Variants in CCDC178 observed in about 807,000 individuals in gnomAD.
CCDC178 encodes the protein coiled-coil domain-containing protein 178.
Under a neutral mutation model 117.4 loss-of-function variants are expected in CCDC178, and 126 were observed. That is an observed-to-expected ratio of 1.07 (90% confidence interval 0.93 to 1.24). CCDC178 has a LOEUF of 1.24. Ranked by LOEUF, CCDC178 falls within the 50% of genes most tolerant of loss-of-function variation. The pLI is 0.00. For missense variants in CCDC178, 1,030 were observed against 986.9 expected, an observed-to-expected ratio of 1.04 and a Z score of -0.59; for synonymous variants, 283 against 313.4, an observed-to-expected ratio of 0.90 and a Z score of 1.02.
chr18:33,027,343 AT>A (rs1206088060), intron 21 of CCDC178, among the ~76,000 whole-genome samples: 1 of 151,730 alleles, frequency 6.6e-6, no homozygotes, highest in Non-Finnish European at 1.5e-5. Flanking sequence ...GCTAAATAAA[AT>A]CATTGTGGTA....
intron 11 of CCDC178, among the ~76,000 whole-genome samples, chr18:33,295,199 A>G (rs1306724439): frequency 5.3e-5 from 8 of 152,122 alleles, no homozygotes. Context: ...TTACAAAATC[A>G]ATTTAATGAA....
chr18:33,026,750 C>T (rs944369757), intron 21 of CCDC178, among the ~76,000 whole-genome samples: 9 of 151,548 alleles, frequency 5.9e-5, no homozygotes, highest in African/African-American at 2.2e-4. Flanking sequence ...AAAACAAAAA[C>T]AAAAAATCCC....
intron 14 of CCDC178, among the ~76,000 whole-genome samples, chr18:33,265,887 T>C (rs1314595970): frequency 6.6e-6 from 1 of 152,000 alleles, no homozygotes; most frequent in African/African-American, 2.4e-5. Flanking sequence ...TACTAGATTG[T>C]TGGTGGAGCA....
chr18:33,337,937 G>A (rs974628130), intron 9 of CCDC178, among the ~76,000 whole-genome samples: 1 of 152,128 alleles, frequency 6.6e-6, no homozygotes, highest in Non-Finnish European at 1.5e-5. Flanking sequence ...AAAAGCTTCT[G>A]CTCAGCAAAA....
At chr18:33,268,167 A>C in intron 12 of CCDC178, among the ~76,000 whole-genome samples, 1 of 151,934 alleles carries the variant, frequency 6.6e-6, no homozygotes, top group East Asian at 1.9e-4. Flanking sequence ...CATGGAAAAA[A>C]GGTATCTGAG....
At chr18:33,301,817 G>A (rs530762668) in intron 11 of CCDC178, among the ~76,000 whole-genome samples, 1 of 152,288 alleles carries the variant, frequency 6.6e-6, no homozygotes, top group African/African-American at 2.4e-5. Context: ...TAGGCTCAAA[G>A]TTGGAAGGAG....
At chr18:33,192,932 T>C (rs1348114416) in intron 20 of CCDC178, among the ~76,000 whole-genome samples, 1 of 135,494 alleles carries the variant, frequency 7.4e-6, no homozygotes, top group Non-Finnish European at 1.6e-5. Context: ...GAAGAAAAAA[T>C]TCTCTCTAAG....
chr18:33,303,412 T>C (rs534228244), intron 11 of CCDC178, among the ~76,000 whole-genome samples: 1 of 152,200 alleles, frequency 6.6e-6, no homozygotes, highest in Non-Finnish European at 1.5e-5. Context: ...AATATTATAG[T>C]TGTGTACACA....
At chr18:33,391,399 T>C (rs1298953023) in intron 4 of CCDC178, among the ~76,000 whole-genome samples, 1 of 152,060 alleles carries the variant, frequency 6.6e-6, no homozygotes, top group Non-Finnish European at 1.5e-5. Context: ...ATCTGTGGCA[T>C]ATGAAGTTCA....
intron 20 of CCDC178, among the ~76,000 whole-genome samples, chr18:33,194,403 T>C (rs548280033): frequency 6.6e-6 from 1 of 152,236 alleles, no homozygotes; most frequent in Admixed American, 6.5e-5. Flanking sequence ...ATGTGGTGCC[T>C]GAGCACCAGT....
chr18:33,059,082 T>A (rs2056878727), intron 21 of CCDC178, among the ~76,000 whole-genome samples: 2 of 152,218 alleles, frequency 1.3e-5, no homozygotes, highest in South Asian at 2.1e-4. Flanking sequence ...AAGAATCTTA[T>A]TTGTGGGGGC....
intron 21 of CCDC178, among the ~76,000 whole-genome samples, chr18:32,980,474 A>G (rs1008843163): frequency 6.3e-4 from 95 of 150,250 alleles, no homozygotes; most frequent in African/African-American, 2.1e-3. Flanking sequence ...GGGAGGCTGA[A>G]GCAGGAGAAT....
chr18:33,178,672 A>T (rs72945371), intron 20 of CCDC178, among the ~76,000 whole-genome samples: 6,008 of 152,186 alleles, frequency 0.039, 162 homozygotes, highest in East Asian at 0.11. Context: ...CTATTCAGAG[A>T]TAAACCATGT....
chr18:33,440,593 G>C (rs1599325242), intron 1 of CCDC178, 60 bp downstream of exon 1: 3 of 150,832 alleles, frequency 2.0e-5, no homozygotes, highest in Non-Finnish European at 4.4e-5. Context: ...GGCGCCGCCC[G>C]GCAGCGCCCC....
chr18:33,069,021 A>G (rs766140448), intron 21 of CCDC178, among the ~76,000 whole-genome samples: 1 of 152,182 alleles, frequency 6.6e-6, no homozygotes, highest in Non-Finnish European at 1.5e-5. Flanking sequence ...GTATTCACCA[A>G]TAACAAATTA....
intron 22 of CCDC178, among the ~76,000 whole-genome samples, chr18:32,955,537 G>T (rs568570084): frequency 2.6e-5 from 4 of 152,004 alleles, no homozygotes; most frequent in African/African-American, 9.7e-5. Flanking sequence ...ACTGAATCTG[G>T]TTCATCTTTA....
At chr18:33,050,889 T>C (rs1267997529) in intron 21 of CCDC178, among the ~76,000 whole-genome samples, 3 of 152,104 alleles carry the variant, frequency 2.0e-5, no homozygotes, top group African/African-American at 4.8e-5. Flanking sequence ...TTCAGTAGTT[T>C]GGCTTTGACT....
chr18:33,139,287 C>G (rs1446142288), intron 20 of CCDC178, among the ~76,000 whole-genome samples: 1 of 152,100 alleles, frequency 6.6e-6, no homozygotes, highest in Non-Finnish European at 1.5e-5. Context: ...AAATTGATAC[C>G]AGTAGAGTGG....
At chr18:32,947,424 T>C (rs996148329) in intron 22 of CCDC178, among the ~76,000 whole-genome samples, 1 of 152,230 alleles carries the variant, frequency 6.6e-6, no homozygotes, top group Non-Finnish European at 1.5e-5. Flanking sequence ...TATCTCATTG[T>C]GGTTTTAATT....
Sources: allele counts gnomAD v4.1 joint callset (sites outside exome capture counted in the v4.1 genomes callset), GRCh38; gene constraint gnomAD v4.1.1; transcripts MANE v1.5; gene names NCBI Gene and HGNC (gene_info 2026-07-23, HGNC 2026-07-21).